The following KMT2C variants were observed in gnomAD, a reference collection of about 807,000 sequenced individuals.
KMT2C encodes lysine methyltransferase 2C, also known as histone-lysine N-methyltransferase 2C.
A neutral mutation model predicts 507.9 loss-of-function variants in KMT2C; 88 were observed. That is an observed-to-expected ratio of 0.17 (90% CI 0.15 to 0.21). KMT2C has a LOEUF of 0.21. Ranked by LOEUF, KMT2C falls within the 10% of genes least tolerant of loss-of-function variation. KMT2C has a pLI of 1.00. For missense variants in KMT2C, 4,954 were observed against 5,957.8 expected (o/e 0.83, Z 5.55); for synonymous variants, 2,049 against 2,080.8 (o/e 0.98, Z 0.42).
chr7:152,216,092 G>A (rs1190235873), intron 23 of KMT2C, among the ~76,000 whole-genome samples: 1 of 152,098 alleles, frequency 6.6e-6, no homozygotes, highest in East Asian at 1.9e-4. Flanking sequence ...TAGAGCCTCA[G>A]TGCAGTCCTA....
chr7:152,342,338 TTA>T (rs893718860), intron 2 of KMT2C, among the ~76,000 whole-genome samples: 2 of 152,232 alleles, frequency 1.3e-5, no homozygotes, highest in African/African-American at 4.8e-5. Context: ...GAATTATTAT[TTA>T]TGAGACATAT....
At chr7:152,290,266 A>G (rs866140240) in intron 6 of KMT2C, among the ~76,000 whole-genome samples, 1,268 of 18,284 alleles carry the variant, frequency 0.069, 60 homozygotes, top group African/African-American at 0.23. Flanking sequence ...GTGTATATAT[A>G]TATATATATA....
chr7:152,164,582 C>T (rs552792978), intron 42 of KMT2C, among the ~76,000 whole-genome samples: 50 of 152,290 alleles, frequency 3.3e-4, no homozygotes, highest in African/African-American at 1.2e-3. Flanking sequence ...AGCCACTGCG[C>T]CCGGCCTGTA....
At position 152,248,525 on chromosome 7, in the gene KMT2C, T is replaced by C; in HGVS notation, c.1909A>G (p.Ile637Val). 1 of 1,614,008 alleles carries C rather than the reference T, an allele frequency of 6.2e-7. No individual in the cohort carries two copies. The highest frequency in any genetic ancestry group is 1.1e-5 in the South Asian group (1 of 91,080). ...DLKMSSEVKH[I>V]CGEDQIEDKM... ...TCTTCAATTTGATCTTCGCCACAAA[T>C]ATGCTTCACTTCAGAAGACATTTTC... is the stretch of plus-strand genomic sequence containing the variant. Residue 637 changes from isoleucine to valine, a missense_variant, in exon 14 of 59, where the codon ATT becomes GTT. Ile to Val is a conservative substitution (Grantham distance 29). This residue lies in a region of KMT2C where 376 missense variants were observed against 352.4 expected (regional missense o/e 1.07). Coordinates refer to ENST00000262189, the MANE Select transcript of KMT2C (RefSeq NM_170606.3).
intron 9 of KMT2C, among the ~76,000 whole-genome samples, chr7:152,262,625 A>G (rs1382854472): frequency 2.0e-5 from 3 of 152,252 alleles, no homozygotes; most frequent in Admixed American, 6.5e-5. Context: ...AAGAATCACT[A>G]CTGATCTGTG....
intron 2 of KMT2C, among the ~76,000 whole-genome samples, chr7:152,354,392 T>A (rs10480264): frequency 1.3e-5 from 2 of 152,146 alleles, no homozygotes; most frequent in African/African-American, 4.8e-5. Context: ...TCCTCCTATA[T>A]CCCTAGAAGT....
intron 39 of KMT2C, 107 bp downstream of exon 39, chr7:152,174,024 C>G (rs1374587764): frequency 1.7e-6 from 1 of 603,664 alleles, no homozygotes; most frequent in Non-Finnish European, 2.9e-6. Flanking sequence ...TAGTGTTGTT[C>G]ATTCCTAGAC....
At chr7:152,141,283 C>T (rs1444788322) in intron 55 of KMT2C, among the ~76,000 whole-genome samples, 3 of 152,022 alleles carry the variant, frequency 2.0e-5, no homozygotes, top group South Asian at 2.1e-4. Context: ...AAGATGGCAC[C>T]ACTGCACTCC....
intron 37 of KMT2C, among the ~76,000 whole-genome samples, chr7:152,179,573 A>T (rs1440737116): frequency 2.0e-5 from 3 of 151,718 alleles, no homozygotes; most frequent in Non-Finnish European, 4.4e-5. Context: ...GGGGAGAAAG[A>T]AGTAGAAAGC....
intron 21 of KMT2C, 130 bp from the exon 22 acceptor site, chr7:152,222,196 A>G: frequency 1.6e-6 from 1 of 612,246 alleles, no homozygotes; most frequent in Non-Finnish European, 2.7e-6. Context: ...CACTAAAGTT[A>G]AAAGTGCTTT....
intron 6 of KMT2C, among the ~76,000 whole-genome samples, chr7:152,295,848 C>T (rs2096487814): frequency 6.6e-6 from 1 of 151,712 alleles, no homozygotes; most frequent in Admixed American, 6.6e-5. Flanking sequence ...GGGCAGATCA[C>T]GAGGTCAGGA....
chr7:152,233,144 C>A (rs1022845316), intron 16 of KMT2C, among the ~76,000 whole-genome samples: 23 of 152,166 alleles, frequency 1.5e-4, no homozygotes, highest in Admixed American at 4.6e-4. Context: ...TGCAGAAAAA[C>A]CAAAATATTT....
chr7:152,204,594 GATA>G (rs2094243229), intron 25 of KMT2C, among the ~76,000 whole-genome samples: 1 of 18,056 alleles, frequency 5.5e-5, no homozygotes, highest in Admixed American at 8.4e-4. Context: ...GAGACCCCTA[GATA>G]GATAGATAGA....
chr7:152,380,357 C>G (rs559947104), intron 1 of KMT2C, among the ~76,000 whole-genome samples: 1 of 152,372 alleles, frequency 6.6e-6, no homozygotes, highest in Non-Finnish European at 1.5e-5. Context: ...CACCTGAGGT[C>G]AGGAGTTCAA....
At chr7:152,153,779 A>T (rs1462935157) in intron 48 of KMT2C, among the ~76,000 whole-genome samples, 1 of 152,138 alleles carries the variant, frequency 6.6e-6, no homozygotes, top group Non-Finnish European at 1.5e-5. Context: ...ATCCTTTAAT[A>T]AGAAAATGTG....
rs2129115466 is a variant in KMT2C, at chr7:152,177,826, G to A, written c.7627C>T (p.Pro2543Ser). 3 of 1,613,750 alleles carry A rather than the reference G, an allele frequency of 1.9e-6. No homozygotes were observed. The highest frequency in any genetic ancestry group is 2.5e-6 in the Non-Finnish European group (3 of 1,179,924). ...TGCTGCTGAACTGGCAAGCTCTGTG[G>A]TGAAAAATGCTGAGGAAGTCCAACT... ...NPVGLPQHFS[P>S]QSLPVQQHNI... Residue 2543 changes from proline (P) to serine (S), a missense_variant, in exon 38 of 59, where the codon CCA becomes TCA. Physicochemically the swap from Pro to Ser is moderately conservative, Grantham distance 74. Around this residue, in one of 29 missense-constraint regions of KMT2C, gnomAD observed 1,689 missense variants for 1,654.3 expected, o/e 1.02. Coordinates refer to ENST00000262189, the MANE Select transcript of KMT2C (RefSeq NM_170606.3).
intron 1 of KMT2C, among the ~76,000 whole-genome samples, chr7:152,365,850 G>T (rs1349258336): frequency 1.3e-5 from 2 of 152,160 alleles, no homozygotes; most frequent in Admixed American, 6.6e-5. Context: ...GTGGGGCATA[G>T]TGGCATGTGC....
chr7:152,149,207 C>T lies in KMT2C; in HGVS notation c.12775-55G>A, dbSNP rs1587692024. ...AAAAATAATTCACAAGCCCGGAAAGCAATTCTTGTTAAGACAAGAAGCTGA... is the reference window on the plus strand; with the variant it reads ...AAAAATAATTCACAAGCCCGGAAAGTAATTCTTGTTAAGACAAGAAGCTGA... On this transcript the variant is annotated intron_variant, in intron 51 of 58. Transcript: ENST00000262189. 9.7e-6 allele frequency: 14 copies of T among 1,437,452 alleles called. No individual in the cohort carries two copies. The East Asian group carries it at 3.4e-4, about 35-fold the overall frequency. 89.0% of individuals were successfully genotyped at this position (1,437,452 alleles called of 1,614,324 possible).
chr7:152,213,779 AAGGT>A (rs907110662), intron 23 of KMT2C, among the ~76,000 whole-genome samples: 8 of 152,036 alleles, frequency 5.3e-5, no homozygotes, highest in African/African-American at 1.7e-4. Context: ...CCGGGGTGAA[AAGGT>A]AGCACAGGGA....
Sources: gnomAD v4.1 joint callset for allele counts (sites outside exome capture counted in the v4.1 genomes callset) on GRCh38, gnomAD v4.1.1 for gene constraint, gnomAD v4.1.1 regional missense constraint, MANE v1.5 for transcripts, NCBI Gene and HGNC (gene_info 2026-07-23, HGNC 2026-07-21) for gene names.